The following NLN variants were observed in gnomAD, a reference collection of about 807,000 sequenced individuals.
NLN encodes the protein neurolysin, mitochondrial.
A neutral mutation model predicts 79.9 loss-of-function variants in NLN; 64 were observed. The observed-to-expected ratio is 0.80, with a 90% CI of 0.65 to 0.99. The LOEUF is 0.99. Ranked by LOEUF, NLN falls within the 50% of genes least tolerant of loss-of-function variation. The probability of loss-of-function intolerance (pLI) is 0.00; values close to 1 mark genes in which losing one functional copy is unlikely to be tolerated. For missense variants in NLN, 835 were observed against 858.7 expected (o/e 0.97, Z 0.34); for synonymous variants, 267 against 296.6 (o/e 0.90, Z 1.02).
chr5:65,795,368 A>G (rs1280104361), intron 9 of NLN, among the ~76,000 whole-genome samples: 1 of 152,122 alleles, frequency 6.6e-6, no homozygotes, highest in African/African-American at 2.4e-5. Flanking sequence ...AGCCTGGGCA[A>G]TAGGGCCAGA....
chr5:65,733,825 T>G (rs1410372742), intron 1 of NLN, among the ~76,000 whole-genome samples: 1 of 138,232 alleles, frequency 7.2e-6, no homozygotes, highest in African/African-American at 2.7e-5. Flanking sequence ...GTTCAAGTGA[T>G]TCTCCTGCCT....
intron 1 of NLN, among the ~76,000 whole-genome samples, chr5:65,757,616 G>C (rs999933064): frequency 6.6e-6 from 1 of 152,064 alleles, no homozygotes; most frequent in Admixed American, 6.6e-5. Context: ...GTATATGTAT[G>C]CATATGTATA....
chr5:65,794,310 T>G (rs917267879), intron 9 of NLN, among the ~76,000 whole-genome samples: 8 of 152,022 alleles, frequency 5.3e-5, no homozygotes, highest in African/African-American at 1.9e-4. Flanking sequence ...ATTAAAATGG[T>G]GTAAAAAATG....
rs144276610 is a variant in NLN at position 65,784,982 on chromosome 5, T to C, written c.823-793T>C. Among the ~76,000 whole-genome samples the C allele has an allele frequency of 5.1e-4, 77 of 152,286 alleles. 1 individual carries two copies. The East Asian group carries it at 0.013, about 26-fold the overall frequency. On this transcript the variant is annotated intron_variant, in intron 6 of 12. Transcript: ENST00000380985. ...TTAGCATACCTTAAAGGGTCATCCA[T>C]GTTGTAGCATGTGTCAGAATTTCCT...
chr5:65,812,474 T>C, intron 12 of NLN, 83 bp downstream of exon 12: 1 of 910,444 alleles, frequency 1.1e-6, no homozygotes, highest in Non-Finnish European at 1.7e-6. Context: ...TGGTCACATC[T>C]AGATTTTACT....
chr5:65,785,879 A>G lies in NLN; in HGVS notation c.927A>G (p.Ala309=), dbSNP rs766096146. 6.2e-7 allele frequency: 1 copy of G among 1,613,710 alleles called. No individual in the cohort carries two copies. Among genetic ancestry groups the G allele is most frequent in the South Asian group, 1.1e-5 (1 of 91,054 alleles). Residue 309 remains alanine, a synonymous_variant, in exon 7 of 13, where the codon GCA becomes GCG. Coordinates refer to ENST00000380985, the MANE Select transcript of NLN (RefSeq NM_020726.5). ...ACTTCGTCCTTGAAATGAACACTGCAAAGAGCACAAGCCGCGTAACAGCCT... is the reference window on the plus strand; with the variant it reads ...ACTTCGTCCTTGAAATGAACACTGCGAAGAGCACAAGCCGCGTAACAGCCT... The part of the protein sequence containing the change: ...HADFVLEMNT[A]KSTSRVTAFL...
intron 1 of NLN, among the ~76,000 whole-genome samples, chr5:65,739,149 CA>C (rs1758818661): frequency 6.7e-6 from 1 of 150,254 alleles, no homozygotes; most frequent in Admixed American, 6.7e-5. Context: ...ATGATCTGAC[CA>C]CCTATGCCTC....
chr5:65,820,639 G>C (rs1760771734), intron 12 of NLN, among the ~76,000 whole-genome samples: 1 of 152,132 alleles, frequency 6.6e-6, no homozygotes, highest in Non-Finnish European at 1.5e-5. Flanking sequence ...GACAAGCACA[G>C]CCATCACTCA....
intron 1 of NLN, among the ~76,000 whole-genome samples, chr5:65,747,200 AT>A (rs146569513): frequency 0.011 from 1,725 of 152,106 alleles, 28 homozygotes; most frequent in African/African-American, 0.039. Flanking sequence ...AGTGGAGGGA[AT>A]TTCTGTGTGA....
At chr5:65,793,379 G>A (rs1760107736) in intron 9 of NLN, 1 of 154,192 alleles carries the variant, frequency 6.5e-6, no homozygotes, top group African/African-American at 2.4e-5. Context: ...TGGGCATGGT[G>A]GCTCATGCCT....
In NLN at chr5:65,828,697, G is replaced by A. The variant is rs1409476943; in HGVS notation, c.*5782G>A. On this transcript the variant is annotated 3_prime_UTR_variant, in exon 13 of 13. Coordinates refer to ENST00000380985, the MANE Select transcript of NLN (RefSeq NM_020726.5). ...TGTGGAAAGCCTGTAGCTGCCAGGAGTGTTACAGAGGGCATTCCTCCCTTG... is the reference window on the plus strand; with the variant it reads ...TGTGGAAAGCCTGTAGCTGCCAGGAATGTTACAGAGGGCATTCCTCCCTTG... 6.6e-6 allele frequency: 1 copy of A among 152,230 alleles called. No homozygotes were observed. The highest frequency in any genetic ancestry group is 1.9e-4 in the East Asian group (1 of 5,198). 9.4% of individuals were successfully genotyped at this position (152,230 alleles called of 1,614,324 possible). A position where few individuals can be genotyped will look rare whatever the true frequency, so the allele number is the denominator to read the frequency against.
In NLN at chr5:65,826,381, G is replaced by A. The variant is rs981686756; in HGVS notation, c.*3466G>A. On this transcript the variant is annotated 3_prime_UTR_variant, in exon 13 of 13. Coordinates refer to ENST00000380985, the MANE Select transcript of NLN (RefSeq NM_020726.5). ...GTTACGGCTTCAATGTAGGGGATGGGGCACAAACATTCAGTCCATAACGAA... is the reference window on the plus strand; with the variant it reads ...GTTACGGCTTCAATGTAGGGGATGGAGCACAAACATTCAGTCCATAACGAA... 2 of 152,046 alleles carry A rather than the reference G, an allele frequency of 1.3e-5. No individual in the cohort carries two copies. The highest frequency in any genetic ancestry group is 2.9e-5 in the Non-Finnish European group (2 of 68,026). The allele number at this position is 152,046 out of a possible 1,614,324, so 9.4% of individuals were successfully genotyped here.
intron 9 of NLN, among the ~76,000 whole-genome samples, chr5:65,804,936 A>G (rs1401267551): frequency 1.3e-5 from 2 of 152,336 alleles, no homozygotes; most frequent in African/African-American, 4.8e-5. Flanking sequence ...CAAGTCTGTC[A>G]GTGCAATTTT....
intron 9 of NLN, among the ~76,000 whole-genome samples, chr5:65,797,786 C>A (rs2150767311): frequency 6.6e-6 from 1 of 152,298 alleles, no homozygotes; most frequent in East Asian, 1.9e-4. Flanking sequence ...GTAAAAAAGA[C>A]CATCTGCCCT....
rs1466340983 is a variant in NLN at position 65,763,021 on chromosome 5, A to C, written c.363A>C (p.Ala121=). 4 of 1,613,854 alleles carry C rather than the reference A, an allele frequency of 2.5e-6. No homozygotes were observed. The highest frequency in any genetic ancestry group is 8.5e-7 in the Non-Finnish European group (1 of 1,179,878). The stretch of plus-strand genomic sequence containing the variant: ...CCTCTGACAAAGAAGTACGAGCAGC[A>C]AGTACAGAAGCAGACAAAAGACTTT... The part of the protein sequence containing the change: ...HVSSDKEVRA[A]STEADKRLSR... Residue 121 remains alanine (A), a synonymous_variant, in exon 3 of 13, where the codon GCA becomes GCC. Transcript: ENST00000380985.
At chr5:65,752,753 A>G (rs1244386305) in intron 1 of NLN, among the ~76,000 whole-genome samples, 1 of 152,236 alleles carries the variant, frequency 6.6e-6, no homozygotes, top group South Asian at 2.1e-4. Flanking sequence ...GCAGAAAGAA[A>G]GTACTCAGTA....
intron 4 of NLN, among the ~76,000 whole-genome samples, chr5:65,777,938 A>G (rs1178098504): frequency 6.6e-6 from 1 of 152,202 alleles, no homozygotes; most frequent in African/African-American, 2.4e-5. Context: ...CAGACAAACA[A>G]CTGATAACTT....
chr5:65,764,888 CAA>C (rs1328134703), intron 3 of NLN, among the ~76,000 whole-genome samples: 1 of 152,112 alleles, frequency 6.6e-6, no homozygotes, highest in East Asian at 1.9e-4. Context: ...TCTTCCATGA[CAA>C]ATGGTTATGT....
intron 1 of NLN, among the ~76,000 whole-genome samples, chr5:65,723,814 C>CAAAAAAAAA (rs760572199): frequency 0.035 from 1,930 of 55,194 alleles, 130 homozygotes; most frequent in Non-Finnish European, 0.052. Context: ...GACTCCGTCT[C>CAAAAAAAAA]AAAAAAAAAA....
Sources: allele counts gnomAD v4.1 joint callset (sites outside exome capture counted in the v4.1 genomes callset), GRCh38; gene constraint gnomAD v4.1.1; transcripts MANE v1.5; gene names NCBI Gene and HGNC (gene_info 2026-07-23, HGNC 2026-07-21).